Variants in FAT3 observed in about 807,000 individuals in gnomAD.
FAT3 encodes the protein FAT atypical cadherin 3, also known as protocadherin Fat 3.
A neutral mutation model predicts 310.2 loss-of-function variants in FAT3; 95 were observed. That is an observed-to-expected ratio of 0.31 (90% CI 0.26 to 0.36). FAT3 has a LOEUF of 0.36. Among genes scored for constraint, FAT3 ranks in the 10% least tolerant of loss-of-function variants. The pLI, the probability that FAT3 is intolerant of heterozygous loss-of-function variation, is 1.00. For synonymous variants in FAT3, 2,314 were observed against 2,192.9 expected (o/e 1.06, Z -1.54); for missense variants, 5,408 against 5,715.6 (o/e 0.95, Z 1.74).
chr11:92,765,607 A>G (rs1213978365), intron 6 of FAT3, among the ~76,000 whole-genome samples: 2 of 152,186 alleles, frequency 1.3e-5, no homozygotes, highest in African/African-American at 2.4e-5. Context: ...TTGCTAAAAT[A>G]CAGCTATCCA....
intron 6 of FAT3, among the ~76,000 whole-genome samples, chr11:92,769,602 T>C (rs1946410767): frequency 6.6e-6 from 1 of 152,188 alleles, no homozygotes; most frequent in African/African-American, 2.4e-5. Context: ...CTGTCACCCA[T>C]TTTTTAGCTT....
chr11:92,418,026 A>G (rs987572459), intron 2 of FAT3, among the ~76,000 whole-genome samples: 1 of 152,164 alleles, frequency 6.6e-6, no homozygotes, highest in Non-Finnish European at 1.5e-5. Flanking sequence ...TGGGAATTCT[A>G]GTCTCCTCAC....
At chr11:92,841,594 T>G (rs1302496973) in intron 18 of FAT3, among the ~76,000 whole-genome samples, 1 of 152,184 alleles carries the variant, frequency 6.6e-6, no homozygotes, top group Non-Finnish European at 1.5e-5. Flanking sequence ...CCAACAATAT[T>G]GTGTAAATAA....
chr11:92,722,164 C>T lies in FAT3; in HGVS notation c.3669+24719C>T, dbSNP rs141255673. 2.9e-3 allele frequency among the ~76,000 whole-genome samples: 440 copies of T among 152,274 alleles called. 1 individual carries two copies. The highest frequency in any genetic ancestry group is 0.01 in the African/African-American group (425 of 41,546). On this transcript the variant is annotated intron_variant, in intron 4 of 27. Coordinates refer to ENST00000525166, the MANE Select transcript of FAT3 (RefSeq NM_001367949.2). The stretch of plus-strand genomic sequence containing the variant: ...AAAGCAAGTCCCTTCCACCTATGAG[C>T]CTGTAAAATCAAAAACAAATTAGTT...
intron 7 of FAT3, among the ~76,000 whole-genome samples, chr11:92,783,613 C>G (rs1457170192): frequency 2.6e-5 from 4 of 151,652 alleles, no homozygotes; most frequent in African/African-American, 9.7e-5. Context: ...TTGAGACCAG[C>G]CTGGGTAACA....
At chr11:92,468,760 T>C (rs1324405925) in intron 2 of FAT3, among the ~76,000 whole-genome samples, 3 of 152,094 alleles carry the variant, frequency 2.0e-5, no homozygotes, top group Non-Finnish European at 4.4e-5. Flanking sequence ...AACTCCCTTA[T>C]ATAACCATGA....
At chr11:92,392,180 C>A (rs558197051) in intron 2 of FAT3, among the ~76,000 whole-genome samples, 2 of 152,266 alleles carry the variant, frequency 1.3e-5, no homozygotes, top group East Asian at 3.9e-4. Context: ...ACGTTATATT[C>A]CAGCCAAATC....
At position 92,232,696 on chromosome 11, in the gene FAT3, T is replaced by C. The variant is rs1482792931; in HGVS notation, c.-18+7522T>C. On this transcript the variant is annotated intron_variant, in intron 1 of 27. Transcript: ENST00000525166. ...GATTAGGATGATGTTGCTTCTCTCATTGATGATTATTTCCATGGAGTGGAC... is the reference window on the plus strand; with the variant it reads ...GATTAGGATGATGTTGCTTCTCTCACTGATGATTATTTCCATGGAGTGGAC... Among the ~76,000 whole-genome samples, 3 of 146,520 alleles carry C rather than the reference T, an allele frequency of 2.0e-5. No individual in the cohort carries two copies. In the South Asian group the frequency reaches 6.9e-4, roughly 34 times the overall value.
In FAT3 at chr11:92,832,070, C is replaced by G; in HGVS notation, c.9871+59C>G. 2.7e-6 allele frequency: 4 copies of G among 1,469,912 alleles called. No individual in the cohort carries two copies. The South Asian group carries it at 5.5e-5, about 20-fold the overall frequency. The allele number at this position is 1,469,912 out of a possible 1,614,324, so 91.1% of individuals were successfully genotyped here. On this transcript the variant is annotated intron_variant, in intron 14 of 27. Coordinates refer to ENST00000525166, the MANE Select transcript of FAT3 (RefSeq NM_001367949.2). The stretch of plus-strand genomic sequence containing the variant: ...CTTCAGCTTGGCACGGTGGCTCACA[C>G]CTGTAAACCTAGCACTTTGGGAGGC...
At chr11:92,530,888 T>C (rs1014605479) in intron 3 of FAT3, among the ~76,000 whole-genome samples, 11 of 122,832 alleles carry the variant, frequency 9.0e-5, no homozygotes, top group Admixed American at 6.2e-4. Context: ...TATTTACAAA[T>C]ATAGGGATTT....
intron 6 of FAT3, among the ~76,000 whole-genome samples, chr11:92,773,657 A>G (rs2136114822): frequency 6.6e-6 from 1 of 152,272 alleles, no homozygotes; most frequent in Middle Eastern, 3.4e-3. Context: ...TGGACTATTT[A>G]TTTACTTGGA....
chr11:92,353,172 C>A lies in FAT3; in HGVS notation c.1060C>A (p.Gln354Lys). The A allele has an allele frequency of 6.2e-7, 1 of 1,613,592 alleles. No individual in the cohort carries two copies. Among genetic ancestry groups the A allele is most frequent in the Non-Finnish European group, 8.5e-7 (1 of 1,179,814 alleles). ...TLQAKDKGSPQKCSALKAVYI... is the reference protein window; with the variant it reads ...TLQAKDKGSPKKCSALKAVYI... The stretch of plus-strand genomic sequence containing the variant: ...TCAAGCAAAAGACAAGGGATCTCCT[C>A]AAAAATGTTCAGCATTAAAGGCAGT... Residue 354 changes from glutamine to lysine, a missense_variant, in exon 2 of 28, where the codon CAA becomes AAA. Around this residue, in one of 5 missense-constraint regions of FAT3, gnomAD observed 4,588 missense variants for 4,809.8 expected, o/e 0.95. Transcript: ENST00000525166.
intron 3 of FAT3, among the ~76,000 whole-genome samples, chr11:92,545,533 T>C (rs1954588917): frequency 6.6e-6 from 1 of 152,188 alleles, no homozygotes; most frequent in African/African-American, 2.4e-5. Flanking sequence ...TAGAATTTTC[T>C]CTCTCAAAGA....
At chr11:92,453,337 C>T (rs1466300493) in intron 2 of FAT3, among the ~76,000 whole-genome samples, 2 of 152,168 alleles carry the variant, frequency 1.3e-5, no homozygotes, top group African/African-American at 2.4e-5. Context: ...AAGCTCGCTG[C>T]ACTTTAAGCC....
intron 2 of FAT3, among the ~76,000 whole-genome samples, chr11:92,416,071 TAAAAAAA>T (rs398017104): frequency 1.4e-5 from 1 of 73,880 alleles, no homozygotes. Flanking sequence ...CCTGGAAGCC[TAAAAAAA>T]AAAAAAAAAA....
intron 3 of FAT3, among the ~76,000 whole-genome samples, chr11:92,572,070 G>A (rs558299266): frequency 2.1e-4 from 32 of 152,256 alleles, no homozygotes; most frequent in African/African-American, 7.2e-4. Flanking sequence ...GCTGGCAGCC[G>A]AGTGCTCCAT....
intron 13 of FAT3, among the ~76,000 whole-genome samples, chr11:92,810,488 C>T (rs574114469): frequency 1.3e-5 from 2 of 152,264 alleles, no homozygotes; most frequent in South Asian, 2.1e-4. Context: ...ATGAAGAACT[C>T]GGTCACATGC....
intron 9 of FAT3, among the ~76,000 whole-genome samples, chr11:92,796,533 C>T (rs1947178136): frequency 6.6e-6 from 1 of 152,078 alleles, no homozygotes; most frequent in East Asian, 1.9e-4. Context: ...AATCCTGGTC[C>T]CTATTTTAAT....
intron 2 of FAT3, among the ~76,000 whole-genome samples, chr11:92,434,554 A>T (rs1220467110): frequency 6.6e-6 from 1 of 152,062 alleles, no homozygotes; most frequent in African/African-American, 2.4e-5. Context: ...TATCTCCTGC[A>T]CCTGACATTT....
Sources: gnomAD v4.1 joint callset for allele counts (sites outside exome capture counted in the v4.1 genomes callset) on GRCh38, gnomAD v4.1.1 for gene constraint, gnomAD v4.1.1 regional missense constraint, MANE v1.5 for transcripts, NCBI Gene and HGNC (gene_info 2026-07-23, HGNC 2026-07-21) for gene names.